The following FRMD4A variants were observed in gnomAD, a reference collection of about 807,000 sequenced individuals.
FRMD4A encodes the protein FERM domain containing 4A, also known as FERM domain-containing protein 4A.
Under a neutral mutation model 129.1 loss-of-function variants are expected in FRMD4A, and 29 were observed. That is an observed-to-expected ratio of 0.22 (90% CI 0.17 to 0.31). The LOEUF is 0.31. Ranked by LOEUF, FRMD4A falls within the 10% of genes least tolerant of loss-of-function variation. The probability of loss-of-function intolerance (pLI) is 1.00; values close to 1 mark genes in which losing one functional copy is unlikely to be tolerated. For missense variants in FRMD4A, 1,272 were observed against 1,375.8 expected, an observed-to-expected ratio of 0.92 and a Z score of 1.19; for synonymous variants, 634 against 571.6, an observed-to-expected ratio of 1.11 and a Z score of -1.56.
chr10:14,292,578 T>C (rs1845882181), intron 2 of FRMD4A, among the ~76,000 whole-genome samples: 1 of 152,190 alleles, frequency 6.6e-6, no homozygotes, highest in African/African-American at 2.4e-5. Flanking sequence ...GGCCAGTGGA[T>C]CATGAGGTCA....
At chr10:13,672,238 G>A (rs1373194681) in intron 16 of FRMD4A, among the ~76,000 whole-genome samples, 2 of 152,126 alleles carry the variant, frequency 1.3e-5, no homozygotes, top group African/African-American at 4.8e-5. Flanking sequence ...GCATTTCAGA[G>A]CACAATGGCC....
intron 2 of FRMD4A, among the ~76,000 whole-genome samples, chr10:14,170,956 A>T (rs1841443268): frequency 6.6e-6 from 1 of 151,830 alleles, no homozygotes; most frequent in African/African-American, 2.4e-5. Context: ...GCCTTACCAA[A>T]GTGCTCCCTG....
intron 2 of FRMD4A, among the ~76,000 whole-genome samples, chr10:14,329,767 G>C (rs763925276): frequency 1.3e-4 from 20 of 152,156 alleles, no homozygotes; most frequent in Non-Finnish European, 2.2e-4. Context: ...AGCTGGAGGA[G>C]GCATCCTAGC....
chr10:14,169,985 C>T (rs1046217949), intron 2 of FRMD4A, among the ~76,000 whole-genome samples: 1 of 152,096 alleles, frequency 6.6e-6, no homozygotes, highest in Admixed American at 6.5e-5. Flanking sequence ...AATTCATGTA[C>T]AAGCAAGGTG....
intron 2 of FRMD4A, among the ~76,000 whole-genome samples, chr10:13,897,494 AAG>A (rs1331226431): frequency 1.3e-5 from 2 of 152,130 alleles, no homozygotes; most frequent in Non-Finnish European, 2.9e-5. Context: ...CAAAAGAAGG[AAG>A]AGAGAACATC....
intron 2 of FRMD4A, among the ~76,000 whole-genome samples, chr10:14,222,138 T>A (rs1271543123): frequency 2.6e-5 from 4 of 152,232 alleles, no homozygotes; most frequent in Admixed American, 6.5e-5. Context: ...TATCTTTCGA[T>A]ATTCAAATGA....
chr10:13,839,489 G>T (rs1216220022), intron 3 of FRMD4A, among the ~76,000 whole-genome samples: 1 of 152,214 alleles, frequency 6.6e-6, no homozygotes, highest in Non-Finnish European at 1.5e-5. Flanking sequence ...GAGGGCATCT[G>T]TAGATGTAGT....
chr10:14,042,575 G>T (rs547142540), intron 2 of FRMD4A, among the ~76,000 whole-genome samples: 8 of 152,266 alleles, frequency 5.3e-5, no homozygotes, highest in Admixed American at 3.9e-4. Flanking sequence ...CGGCACCGAA[G>T]AACAGGCATT....
At chr10:14,104,917 A>T (rs1414879072) in intron 2 of FRMD4A, among the ~76,000 whole-genome samples, 1 of 152,184 alleles carries the variant, frequency 6.6e-6, no homozygotes, top group Non-Finnish European at 1.5e-5. Context: ...GTGCCCTTAG[A>T]TACCTTCAAG....
chr10:13,847,460 G>C (rs1035523905), intron 3 of FRMD4A, among the ~76,000 whole-genome samples: 2 of 152,110 alleles, frequency 1.3e-5, no homozygotes, highest in Non-Finnish European at 2.9e-5. Flanking sequence ...AGGGATACCT[G>C]GCCAGGCTGC....
intron 2 of FRMD4A, among the ~76,000 whole-genome samples, chr10:14,127,439 C>T (rs965249865): frequency 6.6e-6 from 1 of 152,198 alleles, no homozygotes; most frequent in Non-Finnish European, 1.5e-5. Context: ...CCTTGCTGTA[C>T]TCTGGAGAAG....
chr10:14,161,043 C>T (rs531172688), intron 2 of FRMD4A, among the ~76,000 whole-genome samples: 1 of 152,268 alleles, frequency 6.6e-6, no homozygotes, highest in East Asian at 1.9e-4. Context: ...TAACCTCTGC[C>T]TCCCGGGTTC....
chr10:14,124,244 G>C (rs545992510), intron 2 of FRMD4A, among the ~76,000 whole-genome samples: 2 of 152,172 alleles, frequency 1.3e-5, no homozygotes, highest in Non-Finnish European at 2.9e-5. Flanking sequence ...TGTGAGCTTA[G>C]ACATAATTAC....
rs1409965220 is a variant in FRMD4A, at chr10:13,657,429, G to A, written c.2160C>T (p.Gly720=). The A allele has an allele frequency of 1.2e-6, 2 of 1,612,820 alleles. No homozygotes were observed. Among genetic ancestry groups the A allele is most frequent in the South Asian group, 1.1e-5 (1 of 91,076 alleles). Residue 720 remains glycine (G), a synonymous_variant, in exon 22 of 25, where the codon GGC becomes GGT. Coordinates refer to ENST00000357447, the MANE Select transcript of FRMD4A (RefSeq NM_018027.5). ...SSLESQGKLL[G]SENDTGSPDF... is the part of the protein sequence containing the mutation. The stretch of plus-strand genomic sequence containing the variant: ...CGGGGCTCCCGGTGTCGTTTTCCGA[G>A]CCCAGGAGCTTGCCCTGGGACTCCA...
intron 2 of FRMD4A, among the ~76,000 whole-genome samples, chr10:14,114,948 A>G (rs770756982): frequency 1.3e-5 from 2 of 152,200 alleles, no homozygotes; most frequent in Non-Finnish European, 2.9e-5. Flanking sequence ...GGGAGAAGGT[A>G]CTGAAGTACT....
intron 2 of FRMD4A, among the ~76,000 whole-genome samples, chr10:14,148,721 C>T (rs1840199648): frequency 6.6e-6 from 1 of 151,132 alleles, no homozygotes; most frequent in Non-Finnish European, 1.5e-5. Flanking sequence ...GAGATTGCGC[C>T]ACTGCACTCC....
chr10:13,870,406 T>C (rs1481366648), intron 2 of FRMD4A, among the ~76,000 whole-genome samples: 1 of 152,250 alleles, frequency 6.6e-6, no homozygotes, highest in Admixed American at 6.5e-5. Context: ...TTAGAGTCTG[T>C]TCCTCCAAGG....
intron 15 of FRMD4A, chr10:13,684,575 C>T: frequency 2.0e-6 from 2 of 985,474 alleles, no homozygotes; most frequent in Non-Finnish European, 2.4e-6. Flanking sequence ...CTTTCAGCCT[C>T]ATTCAGCCGC....
chr10:13,701,255 C>T (rs990064604), intron 14 of FRMD4A, 85 bp downstream of exon 14: 44 of 1,292,230 alleles, frequency 3.4e-5, no homozygotes, highest in Non-Finnish European at 4.6e-5. Context: ...AGGGACATGG[C>T]GCCTCCCCCA....
Sources: allele counts gnomAD v4.1 joint callset (sites outside exome capture counted in the v4.1 genomes callset), GRCh38; gene constraint gnomAD v4.1.1; transcripts MANE v1.5; gene names NCBI Gene and HGNC (gene_info 2026-07-23, HGNC 2026-07-21).